Variants in ADGRA3 observed in about 807,000 individuals in gnomAD.
ADGRA3 encodes adhesion G protein-coupled receptor A3.
A neutral mutation model predicts 119.8 loss-of-function variants in ADGRA3; 56 were observed. That is an observed-to-expected ratio of 0.47 (90% CI 0.38 to 0.58). The LOEUF is 0.58. Among genes scored for constraint, ADGRA3 ranks in the 20% least tolerant of loss-of-function variants. ADGRA3 has a pLI of 0.00. For synonymous variants in ADGRA3, 607 were observed against 623.8 expected (o/e 0.97, Z 0.40); for missense variants, 1,516 against 1,649.0 (o/e 0.92, Z 1.40).
intron 15 of ADGRA3, among the ~76,000 whole-genome samples, chr4:22,401,995 T>C (rs1577325096): frequency 6.6e-6 from 1 of 152,198 alleles, no homozygotes; most frequent in South Asian, 2.1e-4. Context: ...ACTTTCATAA[T>C]AAAATGTTGA....
intron 2 of ADGRA3, among the ~76,000 whole-genome samples, chr4:22,472,642 A>G (rs1717897009): frequency 6.6e-6 from 1 of 152,200 alleles, no homozygotes; most frequent in East Asian, 1.9e-4. Context: ...GAAATGAAGA[A>G]CACTAGATCA....
chr4:22,449,835 A>C (rs1351830635), intron 4 of ADGRA3, among the ~76,000 whole-genome samples: 1 of 149,966 alleles, frequency 6.7e-6, no homozygotes, highest in East Asian at 2.0e-4. Flanking sequence ...TAACAGAGTG[A>C]AACTCTGTCT....
chr4:22,441,289 G>A lies in ADGRA3; in HGVS notation c.920+1361C>T, dbSNP rs116701921. 2.8e-3 allele frequency among the ~76,000 whole-genome samples: 419 copies of A among 152,284 alleles called. 2 individuals are homozygous for A. The highest frequency in any genetic ancestry group is 8.9e-3 in the African/African-American group (370 of 41,558). On this transcript the variant is annotated intron_variant, in intron 7 of 18. Coordinates refer to ENST00000334304, the MANE Select transcript of ADGRA3 (RefSeq NM_145290.4). ...CTTGCAGGTAGAGAGCAGAAACCAA[G>A]ACTTTAGCTTCTGCCTACCAGAGGG...
At chr4:22,424,377 G>C in intron 10 of ADGRA3, 25 bp from the exon 11 acceptor site, 1 of 1,602,144 alleles carries the variant, frequency 6.2e-7, no homozygotes, top group Non-Finnish European at 8.5e-7. Flanking sequence ...GGAGAAAAAA[G>C]AAAGATCTTT....
rs369279846 is a variant in ADGRA3 at position 22,445,433 on chromosome 4, G to A, written c.546-300C>T. On this transcript the variant is annotated intron_variant, in intron 5 of 18. Transcript: ENST00000334304. ...CAAGCCACTGAACACCAGAGTTCTG[G>A]AATACCAAATCCCATTCCTTTTTGT... Among the ~76,000 whole-genome samples, 67 of 152,206 alleles carry A rather than the reference G, an allele frequency of 4.4e-4. No homozygotes were observed. The East Asian group carries it at 7.2e-3, about 16-fold the overall frequency.
At chr4:22,474,585 A>T (rs1365455689) in intron 1 of ADGRA3, among the ~76,000 whole-genome samples, 1 of 152,204 alleles carries the variant, frequency 6.6e-6, no homozygotes, top group Non-Finnish European at 1.5e-5. Flanking sequence ...AATAATGAGC[A>T]TCCATGAATG....
At chr4:22,435,867 C>T (rs188270716) in intron 9 of ADGRA3, among the ~76,000 whole-genome samples, 387 of 152,222 alleles carry the variant, frequency 2.5e-3, no homozygotes, top group Middle Eastern at 3.4e-3. Context: ...ACTTATTTGG[C>T]ACTTATCTTT....
At chr4:22,504,901 A>G (rs918714698) in intron 1 of ADGRA3, among the ~76,000 whole-genome samples, 18 of 152,108 alleles carry the variant, frequency 1.2e-4, no homozygotes, top group African/African-American at 4.3e-4. Flanking sequence ...ACATCAGAAC[A>G]TGAAGTCTGT....
intron 6 of ADGRA3, among the ~76,000 whole-genome samples, chr4:22,444,187 T>G (rs757422350): frequency 1.2e-4 from 19 of 152,194 alleles, no homozygotes; most frequent in Non-Finnish European, 2.4e-4. Context: ...TTTTGAGAAT[T>G]TAGGATATGC....
chr4:22,442,643 AG>A lies in ADGRA3; in HGVS notation c.920+6del. Reference sequence around the variant, plus strand: ...ATTCTTCATTCAAAAAAAAAAAAAAAGTTTACCTTGCAATCAAGGAGCAGTT... The same window carrying A: ...ATTCTTCATTCAAAAAAAAAAAAAAATTTACCTTGCAATCAAGGAGCAGTT... On this transcript the variant is annotated splice_donor_region_variant and intron_variant, in intron 7 of 18. Transcript: ENST00000334304. 1.3e-6 allele frequency: 2 copies of A among 1,589,826 alleles called. No homozygotes were observed. Among genetic ancestry groups the A allele is most frequent in the South Asian group, 1.2e-5 (1 of 86,690 alleles).
chr4:22,434,703 T>A (rs1427039765), intron 10 of ADGRA3, among the ~76,000 whole-genome samples: 1 of 152,218 alleles, frequency 6.6e-6, no homozygotes, highest in African/African-American at 2.4e-5. Flanking sequence ...TGCTCATTCA[T>A]TCTGTAAACT....
At chr4:22,494,538 T>C (rs923172193) in intron 1 of ADGRA3, among the ~76,000 whole-genome samples, 1 of 151,942 alleles carries the variant, frequency 6.6e-6, no homozygotes, top group Non-Finnish European at 1.5e-5. Context: ...GGGGTCTGGA[T>C]TGGGACCTCT....
At chr4:22,444,330 G>A (rs1166419614) in intron 6 of ADGRA3, among the ~76,000 whole-genome samples, 2 of 151,880 alleles carry the variant, frequency 1.3e-5, no homozygotes, top group Non-Finnish European at 2.9e-5. Context: ...TTGTCACCCA[G>A]GCTGTAGTGC....
At position 22,445,011 on chromosome 4, in the gene ADGRA3, T is replaced by C; in HGVS notation, c.668A>G (p.Gln223Arg). ...CTCCTGCTTCACGCCTGTGACTGGT[T>C]GGGCCTGCAGTGACTTAGGATAAAC... is the stretch of plus-strand genomic sequence containing the variant. ...RCVYPKSLQA[Q>R]PVTGVKQELL... The change falls in exon 6 of 19, where the codon CAA becomes CGA. Residue 223 changes from glutamine to arginine, a missense_variant. Around this residue, in one of 2 missense-constraint regions of ADGRA3, gnomAD observed 428 missense variants for 541.9 expected, o/e 0.79. Transcript: ENST00000334304. The C allele has an allele frequency of 1.2e-6, 2 of 1,613,730 alleles. No individual in the cohort carries two copies. The highest frequency in any genetic ancestry group is 1.7e-6 in the Non-Finnish European group (2 of 1,179,914).
chr4:22,419,722 T>C (rs758037567), intron 12 of ADGRA3, among the ~76,000 whole-genome samples: 2 of 152,196 alleles, frequency 1.3e-5, no homozygotes, highest in African/African-American at 2.4e-5. Flanking sequence ...TTCTCTGTGT[T>C]GCTGTTTCTA....
intron 4 of ADGRA3, 40 bp downstream of exon 4, chr4:22,454,825 TG>T (rs1410727542): frequency 1.4e-6 from 2 of 1,456,782 alleles, no homozygotes; most frequent in Admixed American, 1.7e-5. Flanking sequence ...CTGGCTCAAA[TG>T]CTTCCTTATC....
chr4:22,478,472 T>A (rs1414039482), intron 1 of ADGRA3, among the ~76,000 whole-genome samples: 2 of 152,170 alleles, frequency 1.3e-5, no homozygotes, highest in African/African-American at 2.4e-5. Flanking sequence ...TCAAGAGTAC[T>A]AAATATTCAG....
intron 5 of ADGRA3, among the ~76,000 whole-genome samples, 194 bp from the exon 6 acceptor site, chr4:22,445,327 T>G (rs1159135347): frequency 6.6e-6 from 1 of 152,206 alleles, no homozygotes; most frequent in Non-Finnish European, 1.5e-5. Context: ...AACACTGTTC[T>G]TGCTGATCCC....
chr4:22,492,120 T>C (rs1002224844), intron 1 of ADGRA3, among the ~76,000 whole-genome samples: 9 of 152,116 alleles, frequency 5.9e-5, no homozygotes, highest in Non-Finnish European at 8.8e-5. Context: ...AGCACCACAG[T>C]AGCACTGGAA....
Sources: allele counts gnomAD v4.1 joint callset (sites outside exome capture counted in the v4.1 genomes callset), GRCh38; gene constraint gnomAD v4.1.1; regional missense constraint gnomAD v4.1.1; transcripts MANE v1.5; gene names NCBI Gene and HGNC (gene_info 2026-07-23, HGNC 2026-07-21).